The following GALNT17 variants were observed in gnomAD, a reference collection of about 807,000 sequenced individuals.
GALNT17 encodes the protein UDP-GalNAc:polypeptide N-acetylgalactosaminyltransferase-like 3.
In GALNT17, 29 loss-of-function variants were observed where a neutral mutation model predicts 63.7. That is an observed-to-expected ratio of 0.46 (90% CI 0.34 to 0.62). The LOEUF is 0.62. Ranked by LOEUF, GALNT17 falls within the 20% of genes least tolerant of loss-of-function variation. The pLI is 0.01. For synonymous variants in GALNT17, 305 were observed against 318.3 expected, an observed-to-expected ratio of 0.96 and a Z score of 0.45; for missense variants, 603 against 799.6, an observed-to-expected ratio of 0.75 and a Z score of 2.97.
intron 1 of GALNT17, among the ~76,000 whole-genome samples, chr7:71,295,470 C>G (rs943360989): frequency 1.3e-5 from 2 of 151,874 alleles, no homozygotes; most frequent in Non-Finnish European, 2.9e-5. Flanking sequence ...CTCTGTCTCT[C>G]TTTGTTTCTT....
At chr7:71,602,860 G>T (rs1789985552) in intron 6 of GALNT17, among the ~76,000 whole-genome samples, 1 of 152,096 alleles carries the variant, frequency 6.6e-6, no homozygotes, top group Non-Finnish European at 1.5e-5. Flanking sequence ...GGATACACCT[G>T]GTACTATGCC....
intron 1 of GALNT17, among the ~76,000 whole-genome samples, chr7:71,326,648 C>G (rs1791710116): frequency 6.6e-6 from 1 of 152,142 alleles, no homozygotes; most frequent in Admixed American, 6.6e-5. Context: ...ATATTTGTTA[C>G]TTTTAGAAAT....
In GALNT17 at chr7:71,208,731, C is replaced by T. The variant is rs1015442342; in HGVS notation, c.238+75691C>T. 1.8e-4 allele frequency among the ~76,000 whole-genome samples: 27 copies of T among 152,054 alleles called. 1 individual carries two copies. The highest frequency in any genetic ancestry group is 1.3e-3 in the Admixed American group (20 of 15,270). On this transcript the variant is annotated intron_variant, in intron 1 of 10. Coordinates refer to ENST00000333538, the MANE Select transcript of GALNT17 (RefSeq NM_022479.3). ...CCTCCCAAAGTGCTGGGACTACAGG[C>T]GAGAGCCACTACACCTGGCCACGAG...
intron 6 of GALNT17, among the ~76,000 whole-genome samples, chr7:71,579,438 A>G (rs555932656): frequency 2.0e-5 from 3 of 152,350 alleles, no homozygotes; most frequent in Non-Finnish European, 4.4e-5. Flanking sequence ...TCATGAAATA[A>G]ATAATTAGCA....
chr7:71,133,129 G>T, intron 1 of GALNT17, 89 bp downstream of exon 1: 2 of 1,200,586 alleles, frequency 1.7e-6, no homozygotes, highest in South Asian at 1.7e-5. Flanking sequence ...TGCGCCCTGT[G>T]CCTGGGAGCC....
chr7:71,370,733 G>T (rs1284745180), intron 2 of GALNT17, among the ~76,000 whole-genome samples: 1 of 152,116 alleles, frequency 6.6e-6, no homozygotes, highest in Non-Finnish European at 1.5e-5. Context: ...CTCCCAAAGT[G>T]CTGGGATTAC....
At chr7:71,555,878 C>T (rs75317724) in intron 5 of GALNT17, among the ~76,000 whole-genome samples, 1 of 152,220 alleles carries the variant, frequency 6.6e-6, no homozygotes, top group African/African-American at 2.4e-5. Flanking sequence ...CTCTGATGCA[C>T]GGCTCGTGCG....
intron 1 of GALNT17, among the ~76,000 whole-genome samples, chr7:71,155,620 C>CT (rs1259755825): frequency 6.6e-6 from 1 of 150,970 alleles, no homozygotes; most frequent in African/African-American, 2.5e-5. Context: ...TATTTTTTTC[C>CT]TTTTTTGTTG....
intron 3 of GALNT17, among the ~76,000 whole-genome samples, chr7:71,415,530 C>A (rs571578203): frequency 6.6e-6 from 1 of 152,156 alleles, no homozygotes; most frequent in East Asian, 1.9e-4. Flanking sequence ...ATGGAAAAGC[C>A]CATATAGAAT....
At chr7:71,250,573 T>A (rs1473780168) in intron 1 of GALNT17, among the ~76,000 whole-genome samples, 4 of 152,196 alleles carry the variant, frequency 2.6e-5, no homozygotes, top group Non-Finnish European at 5.9e-5. Flanking sequence ...AAAACCCTTC[T>A]TTTATTTCAG....
chr7:71,608,048 C>T (rs959719565), intron 6 of GALNT17, among the ~76,000 whole-genome samples: 2 of 152,190 alleles, frequency 1.3e-5, no homozygotes, highest in South Asian at 4.1e-4. Context: ...ATCCAATCTG[C>T]ATCCCACTTA....
chr7:71,287,370 G>T (rs1182343002), intron 1 of GALNT17, among the ~76,000 whole-genome samples: 2 of 152,116 alleles, frequency 1.3e-5, no homozygotes, highest in Non-Finnish European at 2.9e-5. Flanking sequence ...GATTACAGGT[G>T]TGAGACACCA....
In GALNT17 at chr7:71,368,922, G is replaced by A. The variant is rs59093477; in HGVS notation, c.423-19313G>A. 3.4e-4 allele frequency among the ~76,000 whole-genome samples: 27 copies of A among 80,564 alleles called. No homozygotes were observed. The South Asian group carries it at 5.4e-3, about 16-fold the overall frequency. 52.9% of individuals were successfully genotyped at this position (80,564 alleles called of 152,430 possible). A position where few individuals can be genotyped will look rare whatever the true frequency, so the allele number is the denominator to read the frequency against. On this transcript the variant is annotated intron_variant, in intron 2 of 10. Transcript: ENST00000333538. The stretch of plus-strand genomic sequence containing the variant: ...TATACTGCCCAGTTTCCTCGGGGGT[G>A]GGGGGGGGTGTTCCTCTCTCCTAGC...
At chr7:71,349,812 A>G (rs577012809) in intron 2 of GALNT17, among the ~76,000 whole-genome samples, 10 of 152,188 alleles carry the variant, frequency 6.6e-5, no homozygotes, top group Non-Finnish European at 1.2e-4. Flanking sequence ...GTAGCTCTCA[A>G]GTGTTTTATG....
At chr7:71,332,832 C>T (rs1290771092) in intron 1 of GALNT17, among the ~76,000 whole-genome samples, 2 of 152,134 alleles carry the variant, frequency 1.3e-5, no homozygotes, top group African/African-American at 2.4e-5. Context: ...GCTGGGATTA[C>T]AGGCATGCAC....
At chr7:71,480,077 T>C (rs1310316194) in intron 5 of GALNT17, among the ~76,000 whole-genome samples, 2 of 151,586 alleles carry the variant, frequency 1.3e-5, no homozygotes, top group African/African-American at 2.4e-5. Flanking sequence ...CTAACCCCAG[T>C]TGGGCTGAGA....
At chr7:71,532,618 C>G (rs935374000) in intron 5 of GALNT17, among the ~76,000 whole-genome samples, 1 of 152,150 alleles carries the variant, frequency 6.6e-6, no homozygotes, top group Non-Finnish European at 1.5e-5. Context: ...GGGACTTCCT[C>G]CCTACTTTGC....
At chr7:71,387,457 C>T (rs1394716970) in intron 2 of GALNT17, among the ~76,000 whole-genome samples, 1 of 151,814 alleles carries the variant, frequency 6.6e-6, no homozygotes, top group Non-Finnish European at 1.5e-5. Context: ...TCCCAAGTAG[C>T]TGTGAATACA....
At chr7:71,348,240 CACTGAGTGAG>C (rs1394489192) in intron 2 of GALNT17, among the ~76,000 whole-genome samples, 2 of 150,294 alleles carry the variant, frequency 1.3e-5, no homozygotes, top group Non-Finnish European at 2.9e-5. Flanking sequence ...CAGCCTGGAC[CACTGAGTGAG>C]ACTCTGTCTC....
Sources: gnomAD v4.1 joint callset for allele counts (sites outside exome capture counted in the v4.1 genomes callset) on GRCh38, gnomAD v4.1.1 for gene constraint, MANE v1.5 for transcripts, NCBI Gene and HGNC (gene_info 2026-07-23, HGNC 2026-07-21) for gene names.